The following CHIA variants were observed in gnomAD, a reference collection of about 807,000 sequenced individuals.
The protein encoded by CHIA is chitinase acidic.
A neutral mutation model predicts 53.5 loss-of-function variants in CHIA; 47 were observed. That is an observed-to-expected ratio of 0.88 (90% CI 0.70 to 1.12). The LOEUF (loss-of-function observed/expected upper bound fraction) is 1.12. Ranked by LOEUF, CHIA falls within the 50% of genes most tolerant of loss-of-function variation. The pLI, the probability that CHIA is intolerant of heterozygous loss-of-function variation, is 0.00. For missense variants in CHIA, 652 were observed against 592.2 expected (o/e 1.10, Z -1.05); for synonymous variants, 268 against 222.2 (o/e 1.21, Z -1.83).
chr1:111,307,407 CTAATA>C (rs1648272101), intron 1 of CHIA, among the ~76,000 whole-genome samples: 2 of 151,990 alleles, frequency 1.3e-5, no homozygotes, highest in South Asian at 4.2e-4. Context: ...TATGTTGAAA[CTAATA>C]TAATAAAGTG....
At chr1:111,311,206 C>T (rs1648639654) in intron 2 of CHIA, among the ~76,000 whole-genome samples, 1 of 152,192 alleles carries the variant, frequency 6.6e-6, no homozygotes, top group African/African-American at 2.4e-5. Flanking sequence ...TATCTGGAGT[C>T]TCACCCCATA....
intron 4 of CHIA, among the ~76,000 whole-genome samples, chr1:111,314,096 G>C (rs140677826): frequency 4.6e-5 from 7 of 152,102 alleles, no homozygotes; most frequent in African/African-American, 1.2e-4. Context: ...CACAACCCTT[G>C]CACTTAATTA....
chr1:111,297,504 C>T (rs1647265329), intron 1 of CHIA, among the ~76,000 whole-genome samples: 1 of 152,174 alleles, frequency 6.6e-6, no homozygotes, highest in African/African-American at 2.4e-5. Flanking sequence ...GAAATAAAAT[C>T]CTTCACAGAC....
chr1:111,293,581 A>ATATAC (rs1184898120), intron 1 of CHIA, among the ~76,000 whole-genome samples: 17 of 152,222 alleles, frequency 1.1e-4, no homozygotes, highest in African/African-American at 3.9e-4. Context: ...ACAAACATTT[A>ATATAC]AAATATTCAT....
In CHIA at chr1:111,315,355, G is replaced by A. The variant is rs551479392; in HGVS notation, c.400G>A (p.Gly134Arg). 2.3e-5 allele frequency: 37 copies of A among 1,613,974 alleles called. 1 individual carries two copies. Among genetic ancestry groups the A allele is most frequent in the South Asian group, 1.8e-4 (16 of 91,070 alleles). Residue 134 changes from glycine to arginine, a missense_variant, in exon 6 of 12, where the codon GGG becomes AGG. Coordinates refer to ENST00000369740, the MANE Select transcript of CHIA (RefSeq NM_201653.4). ...ATTCCTGCGCCAGTATGAGTTTGAC[G>A]GGCTGGACTTTGACTGGGAGTACCC... Reference protein sequence around the residue: ...IKFLRQYEFDGLDFDWEYPGS... With the variant: ...IKFLRQYEFDRLDFDWEYPGS...
Position 111,319,197 on chromosome 1 carries a change from T to C in CHIA, c.993T>C (p.Asn331=), listed in dbSNP as rs144546962. Residue 331 remains asparagine (N), a synonymous_variant, in exon 10 of 12, where the codon AAT becomes AAC. Coordinates refer to ENST00000369740, the MANE Select transcript of CHIA (RefSeq NM_201653.4). ...AAGTGCCTTATGCCTATCAGGGCAATGTGTGGGTTGGCTATGACAACATCA... is the reference window on the plus strand; with the variant it reads ...AAGTGCCTTATGCCTATCAGGGCAACGTGTGGGTTGGCTATGACAACATCA... ...PQEVPYAYQG[N]VWVGYDNIKS... 6.2e-7 allele frequency: 1 copy of C among 1,613,316 alleles called. No homozygotes were observed. Among genetic ancestry groups the C allele is most frequent in the African/African-American group, 1.3e-5 (1 of 74,238 alleles).
intron 1 of CHIA, among the ~76,000 whole-genome samples, chr1:111,292,902 T>C (rs1048577118): frequency 1.5e-4 from 23 of 152,230 alleles, no homozygotes; most frequent in African/African-American, 5.3e-4. Context: ...TCATCCATGT[T>C]GTAGCAAGTC....
intron 2 of CHIA, among the ~76,000 whole-genome samples, chr1:111,311,136 C>G (rs1045306783): frequency 6.6e-6 from 1 of 152,198 alleles, no homozygotes; most frequent in East Asian, 1.9e-4. Context: ...AATGAAACCT[C>G]AAGCTCAATT....
chr1:111,313,308 C>T (rs1336506059), intron 4 of CHIA, among the ~76,000 whole-genome samples: 1 of 152,018 alleles, frequency 6.6e-6, no homozygotes, highest in Non-Finnish European at 1.5e-5. Context: ...ATGTCTTTTC[C>T]AACACTTACC....
chr1:111,295,685 C>T (rs897984189), intron 1 of CHIA, among the ~76,000 whole-genome samples: 2 of 142,140 alleles, frequency 1.4e-5, no homozygotes, highest in African/African-American at 2.5e-5. Context: ...GCTGAGGTAC[C>T]GGGTTCATCT....
Position 111,318,107 on chromosome 1 carries a change from G to A in CHIA, c.727G>A (p.Val243Met), listed in dbSNP as rs1649322883. The stretch of plus-strand genomic sequence containing the variant: ...CACCGGCAGCAACGCCTACCTCAAT[G>A]TGGTGAGTCCCTGTACAGATGCAAG... Reference protein sequence around the residue: ...TDTGSNAYLNVDYVMNYWKDN... With the variant: ...TDTGSNAYLNMDYVMNYWKDN... The change falls in exon 8 of 12, where the codon GTG (valine) becomes ATG (methionine). Residue 243 changes from valine (V) to methionine (M), a missense_variant and splice_region_variant. Physicochemically the swap from Val to Met is conservative, Grantham distance 21. Transcript: ENST00000369740. 8 of 1,611,172 alleles carry A rather than the reference G, an allele frequency of 5.0e-6. No individual in the cohort carries two copies. Among genetic ancestry groups the A allele is most frequent in the Non-Finnish European group, 6.8e-6 (8 of 1,177,368 alleles).
chr1:111,307,823 G>A (rs1309922783), intron 1 of CHIA, among the ~76,000 whole-genome samples: 2 of 151,946 alleles, frequency 1.3e-5, no homozygotes, highest in Non-Finnish European at 2.9e-5. Context: ...TGTATTTTTA[G>A]TAGAGACGGG....
At chr1:111,313,139 A>G (rs528567328) in intron 4 of CHIA, among the ~76,000 whole-genome samples, 7 of 152,058 alleles carry the variant, frequency 4.6e-5, no homozygotes, top group Non-Finnish European at 1.0e-4. Context: ...TCTTCAACAC[A>G]CTGATTTCAT....
chr1:111,292,152 A>G (rs887309190), intron 1 of CHIA, among the ~76,000 whole-genome samples: 2 of 152,176 alleles, frequency 1.3e-5, no homozygotes, highest in Non-Finnish European at 2.9e-5. Flanking sequence ...AGATTGGGAA[A>G]AATAACATTA....
chr1:111,312,916 G>A (rs1233554268), intron 4 of CHIA, among the ~76,000 whole-genome samples: 1 of 151,674 alleles, frequency 6.6e-6, no homozygotes, highest in African/African-American at 2.4e-5. Context: ...GTCTTTCTGT[G>A]CCTGGTTTAT....
At chr1:111,318,880 C>T (rs1395402955) in intron 9 of CHIA, among the ~76,000 whole-genome samples, 1 of 152,168 alleles carries the variant, frequency 6.6e-6, no homozygotes, top group African/African-American at 2.4e-5. Flanking sequence ...ACACAACAGA[C>T]TACCTTTTAA....
At chr1:111,295,835 G>T (rs1404369017) in intron 1 of CHIA, among the ~76,000 whole-genome samples, 4 of 152,214 alleles carry the variant, frequency 2.6e-5, no homozygotes, top group African/African-American at 7.2e-5. Context: ...ACTGTACCTG[G>T]AAAATCGGGA....
intron 1 of CHIA, among the ~76,000 whole-genome samples, chr1:111,300,455 A>T (rs1325820582): frequency 6.6e-6 from 1 of 152,210 alleles, no homozygotes; most frequent in East Asian, 1.9e-4. Context: ...GATCTTTGAC[A>T]AACCTGACAA....
At chr1:111,308,173 T>C (rs1224151244) in intron 1 of CHIA, among the ~76,000 whole-genome samples, 1 of 152,202 alleles carries the variant, frequency 6.6e-6, no homozygotes, top group Non-Finnish European at 1.5e-5. Flanking sequence ...AAAAGAAATG[T>C]TTAATCTGTA....
Sources: gnomAD v4.1 joint callset for allele counts (sites outside exome capture counted in the v4.1 genomes callset) on GRCh38, gnomAD v4.1.1 for gene constraint, MANE v1.5 for transcripts, NCBI Gene and HGNC (gene_info 2026-07-23, HGNC 2026-07-21) for gene names.